The following ADGRE1 variants were observed in gnomAD, a reference collection of about 807,000 sequenced individuals.
ADGRE1 encodes the protein EGF-like module receptor 1.
ADGRE1 carries 82 observed loss-of-function variants against 102.7 expected under a neutral mutation model. The observed-to-expected ratio is 0.80, with a 90% CI of 0.67 to 0.96. ADGRE1 has a LOEUF of 0.96. ADGRE1 is among the 40% of genes least tolerant of loss of function. ADGRE1 has a pLI of 0.00. For synonymous variants in ADGRE1, 398 were observed against 399.6 expected (o/e 1.00, Z 0.05); for missense variants, 1,032 against 1,085.3 (o/e 0.95, Z 0.69).
chr19:6,936,626 GT>G (rs34730751), intron 18 of ADGRE1, among the ~76,000 whole-genome samples: 81,037 of 127,422 alleles, frequency 0.64, 24,586 homozygotes, highest in Non-Finnish European at 0.67. Flanking sequence ...GCAAATCCTT[GT>G]TTTTTTTTTT....
intron 10 of ADGRE1, among the ~76,000 whole-genome samples, chr19:6,910,381 C>A (rs575348937): frequency 6.6e-6 from 1 of 151,924 alleles, no homozygotes; most frequent in Non-Finnish European, 1.5e-5. Context: ...GGGTCCTGAG[C>A]GACTCATAAA....
In ADGRE1 at chr19:6,921,720, A is replaced by G; in HGVS notation, c.1628A>G (p.Gln543Arg). The change falls in exon 14 of 21, where the codon CAG (glutamine) becomes CGG (arginine). Residue 543 changes from glutamine (Q) to arginine (R), a missense_variant. Physicochemically the swap from Gln to Arg is conservative, Grantham distance 43. Transcript: ENST00000312053. ...IYTLENIQPKQKFERPICVSW... is the reference protein window; with the variant it reads ...IYTLENIQPKRKFERPICVSW... ...TTTTTTTGTTTTTTTTAGCCAAAGC[A>G]GAAGTTTGAGAGGCCCATCTGTGTT... 1 of 1,594,224 alleles carries G rather than the reference A, an allele frequency of 6.3e-7. No homozygotes were observed. The highest frequency in any genetic ancestry group is 1.1e-5 in the South Asian group (1 of 88,184).
chr19:6,912,271 T>C (rs757821199), intron 10 of ADGRE1, among the ~76,000 whole-genome samples: 2 of 152,070 alleles, frequency 1.3e-5, no homozygotes, highest in Non-Finnish European at 2.9e-5. Flanking sequence ...GCAGTCATTT[T>C]ATTGAGCACT....
chr19:6,904,186 A>C lies in ADGRE1; in HGVS notation c.949+4A>C, dbSNP rs1973868269. On this transcript the variant is annotated splice_donor_region_variant and intron_variant, in intron 8 of 20. Transcript: ENST00000312053. ...GATGGCAACTTCAGCTGCCAAAGTAATAATCTCTTTGTATGTCTTGGCAAT... is the reference window on the plus strand; with the variant it reads ...GATGGCAACTTCAGCTGCCAAAGTACTAATCTCTTTGTATGTCTTGGCAAT... 6.2e-7 allele frequency: 1 copy of C among 1,613,598 alleles called. No individual in the cohort carries two copies. The highest frequency in any genetic ancestry group is 8.5e-7 in the Non-Finnish European group (1 of 1,179,978).
At chr19:6,924,559 G>A (rs893611156) in intron 14 of ADGRE1, 119 bp from the exon 15 acceptor site, 1 of 781,516 alleles carries the variant, frequency 1.3e-6, no homozygotes, top group African/African-American at 1.7e-5. Context: ...CTGAGTGTTA[G>A]AGGGAGAAAA....
chr19:6,922,933 C>T (rs186475061), intron 14 of ADGRE1, among the ~76,000 whole-genome samples: 21 of 151,830 alleles, frequency 1.4e-4, no homozygotes, highest in African/African-American at 2.4e-4. Flanking sequence ...AAAAATTAGC[C>T]GGGCGTGGTG....
At chr19:6,887,783 G>T in intron 1 of ADGRE1, 144 bp downstream of exon 1, 1 of 867,468 alleles carries the variant, frequency 1.2e-6, no homozygotes, top group South Asian at 1.9e-5. Context: ...GGGAACCTTT[G>T]ACAAAATTCC....
chr19:6,935,141 C>A (rs1338508383), intron 18 of ADGRE1, 63 bp downstream of exon 18: 31 of 1,342,600 alleles, frequency 2.3e-5, no homozygotes, highest in Non-Finnish European at 3.2e-5. Flanking sequence ...CAGAAAAGTT[C>A]TTTGAGCACT....
chr19:6,920,953 C>T (rs1199660929), intron 13 of ADGRE1, among the ~76,000 whole-genome samples: 1 of 152,134 alleles, frequency 6.6e-6, no homozygotes, highest in Non-Finnish European at 1.5e-5. Flanking sequence ...CTCCTGTAAA[C>T]AGCACAGATC....
At position 6,921,712 on chromosome 19, in the gene ADGRE1, G is replaced by A. The variant is rs78802323; in HGVS notation, c.1621-1G>A. ...TTTTTTTGTTTTTTTGTTTTTTTTA[G>A]CCAAAGCAGAAGTTTGAGAGGCCCA... is the stretch of plus-strand genomic sequence containing the variant. On this transcript the variant is annotated splice_acceptor_variant, in intron 13 of 20. Transcript: ENST00000312053. LOFTEE classifies it high-confidence loss of function. 10 of 1,575,390 alleles carry A rather than the reference G, an allele frequency of 6.3e-6. No individual in the cohort carries two copies. The highest frequency in any genetic ancestry group is 8.6e-6 in the Non-Finnish European group (10 of 1,164,474).
chr19:6,934,579 C>T (rs947595620), intron 17 of ADGRE1, among the ~76,000 whole-genome samples: 3 of 148,230 alleles, frequency 2.0e-5, no homozygotes, highest in Admixed American at 1.3e-4. Flanking sequence ...CACCACCACA[C>T]CTGCCTAATT....
At position 6,926,396 on chromosome 19, in the gene ADGRE1, C is replaced by A. The variant is rs2145000284; in HGVS notation, c.2017C>A (p.His673Asn). 1 of 1,614,216 alleles carries A rather than the reference C, an allele frequency of 6.2e-7. No homozygotes were observed. The highest frequency in any genetic ancestry group is 8.5e-7 in the Non-Finnish European group (1 of 1,180,050). Residue 673 changes from histidine (H) to asparagine (N), a missense_variant, in exon 16 of 21, where the codon CAC becomes AAC. By Grantham distance (68) the His-to-Asn change is moderately conservative. Transcript: ENST00000312053. ...CTGCGCCATCATCGCGGGCTTCCTGCACTACCTTTTCCTTGCCTGCTTCTT... is the reference window on the plus strand; with the variant it reads ...CTGCGCCATCATCGCGGGCTTCCTGAACTACCTTTTCCTTGCCTGCTTCTT... The part of the protein sequence containing the change: ...MGCAIIAGFL[H>N]YLFLACFFWM...
At chr19:6,927,248 C>T (rs1320740815) in intron 16 of ADGRE1, among the ~76,000 whole-genome samples, 2 of 123,714 alleles carry the variant, frequency 1.6e-5, no homozygotes, top group Non-Finnish European at 3.4e-5. Flanking sequence ...CTTCCTTCCT[C>T]CCTCCCTCCC....
At chr19:6,899,701 A>G (rs1354020853) in intron 5 of ADGRE1, among the ~76,000 whole-genome samples, 1 of 151,870 alleles carries the variant, frequency 6.6e-6, no homozygotes, top group African/African-American at 2.4e-5. Context: ...ATACCCAACA[A>G]CAAGAAGAAC....
intron 13 of ADGRE1, among the ~76,000 whole-genome samples, chr19:6,920,410 G>A (rs1974604187): frequency 6.6e-6 from 1 of 150,960 alleles, no homozygotes; most frequent in Non-Finnish European, 1.5e-5. Context: ...TAGTGCAGAC[G>A]GGGTTTCACC....
At chr19:6,929,591 C>G (rs1262247953) in intron 17 of ADGRE1, among the ~76,000 whole-genome samples, 1 of 151,840 alleles carries the variant, frequency 6.6e-6, no homozygotes, top group African/African-American at 2.4e-5. Context: ...GGTGCAATCT[C>G]GGCTCACTGC....
intron 11 of ADGRE1, 23 bp downstream of exon 11, chr19:6,913,853 A>AG: frequency 6.5e-7 from 1 of 1,537,104 alleles, no homozygotes; most frequent in Non-Finnish European, 8.8e-7. Flanking sequence ...CTTTGTGGCA[A>AG]GGTTACACCT....
chr19:6,926,817 C>T (rs1046712788), intron 16 of ADGRE1, among the ~76,000 whole-genome samples: 1 of 152,102 alleles, frequency 6.6e-6, no homozygotes, highest in Non-Finnish European at 1.5e-5. Context: ...GGTTTATGTT[C>T]CAGGAAGAGA....
At position 6,926,362 on chromosome 19, in the gene ADGRE1, C is replaced by G. The variant is rs373292263; in HGVS notation, c.1987-4C>G. ...ATTCTGATGCGCATGCTTCTCCCCT[C>G]CAGATGGGCTGCGCCATCATCGCGG... On this transcript the variant is annotated splice_region_variant and splice_polypyrimidine_tract_variant and intron_variant, in intron 15 of 20. Coordinates refer to ENST00000312053, the MANE Select transcript of ADGRE1 (RefSeq NM_001974.5). The G allele has an allele frequency of 1.5e-5, 25 of 1,613,642 alleles. No individual in the cohort carries two copies. In the African/African-American group the frequency reaches 3.1e-4, roughly 20 times the overall value.
Sources: allele counts gnomAD v4.1 joint callset (sites outside exome capture counted in the v4.1 genomes callset), GRCh38; gene constraint gnomAD v4.1.1; transcripts MANE v1.5; gene names NCBI Gene and HGNC (gene_info 2026-07-23, HGNC 2026-07-21).